IL1RAPL2: variants seen among roughly 807,000 people sequenced by gnomAD.
IL1RAPL2 encodes the protein X-linked interleukin-1 receptor accessory protein-like 2.
IL1RAPL2 carries 3 observed loss-of-function variants against 44.1 expected under a neutral mutation model. The ratio of observed to expected loss-of-function variants is 0.07; its 90% CI spans 0.03 to 0.18. IL1RAPL2 has a LOEUF of 0.18. IL1RAPL2 is among the 10% of genes least tolerant of loss of function. The pLI is 1.00. For missense variants in IL1RAPL2, 391 were observed against 496.4 expected (o/e 0.79, Z 2.02); for synonymous variants, 181 against 178.8 (o/e 1.01, Z -0.10).
intron 5 of IL1RAPL2, among the ~76,000 whole-genome samples, chrX:105,475,097 A>G (rs2036189217): frequency 8.9e-6 from 1 of 111,919 alleles, no homozygotes; most frequent in Admixed American, 9.5e-5. Flanking sequence ...TGAGGATTTA[A>G]TGAGAGAATA....
intron 6 of IL1RAPL2, among the ~76,000 whole-genome samples, chrX:105,649,134 CTA>C (rs775335796): frequency 4.5e-5 from 5 of 111,350 alleles, no homozygotes; most frequent in Non-Finnish European, 9.4e-5. Flanking sequence ...TGCATATTTT[CTA>C]TGTTTCTAGA....
At chrX:104,677,183 G>A (rs188766816) in intron 2 of IL1RAPL2, among the ~76,000 whole-genome samples, 20 of 111,836 alleles carry the variant, frequency 1.8e-4, no homozygotes, top group African/African-American at 6.5e-4. Context: ...CTGCTTTTTA[G>A]AGTTCCCAGT....
chrX:105,444,719 A>G (rs2035943520), intron 5 of IL1RAPL2, among the ~76,000 whole-genome samples: 1 of 111,238 alleles, frequency 9.0e-6, no homozygotes, highest in African/African-American at 3.3e-5. Flanking sequence ...TACCTGTGCC[A>G]TGGTGGTTTG....
chrX:104,567,315 G>T (rs1056702057), intron 1 of IL1RAPL2, among the ~76,000 whole-genome samples: 3 of 113,009 alleles, frequency 2.7e-5, no homozygotes, highest in African/African-American at 6.4e-5. Flanking sequence ...GAGCCCAAGC[G>T]TTGCGTTTCC....
intron 2 of IL1RAPL2, among the ~76,000 whole-genome samples, chrX:105,097,765 CCTT>C (rs1336781079): frequency 9.0e-6 from 1 of 111,447 alleles, no homozygotes; most frequent in Non-Finnish European, 1.9e-5. Flanking sequence ...TCCCCTCCCT[CCTT>C]CCTCTCCTCT....
At chrX:104,570,008 A>C (rs778889106) in intron 1 of IL1RAPL2, among the ~76,000 whole-genome samples, 7 of 112,445 alleles carry the variant, frequency 6.2e-5, no homozygotes, top group Non-Finnish European at 1.3e-4. Context: ...ACAAATGTAC[A>C]CACTGCCTTC....
At chrX:104,650,151 G>A (rs1930125316) in intron 1 of IL1RAPL2, among the ~76,000 whole-genome samples, 1 of 111,103 alleles carries the variant, frequency 9.0e-6, no homozygotes, top group African/African-American at 3.3e-5. Context: ...AATCTCTCAG[G>A]GGAATATGAA....
chrX:105,135,373 A>G (rs779942270), intron 2 of IL1RAPL2, among the ~76,000 whole-genome samples: 1 of 112,007 alleles, frequency 8.9e-6, no homozygotes, highest in South Asian at 3.7e-4. Flanking sequence ...CCAAACATCA[A>G]AATTAGTTGG....
At chrX:105,497,649 G>A (rs2036365325) in intron 6 of IL1RAPL2, among the ~76,000 whole-genome samples, 1 of 111,508 alleles carries the variant, frequency 9.0e-6, no homozygotes, top group African/African-American at 3.3e-5. Context: ...TAATAACTCT[G>A]ATCAATGTAA....
At chrX:105,105,782 A>C in intron 2 of IL1RAPL2, among the ~76,000 whole-genome samples, 1 of 112,053 alleles carries the variant, frequency 8.9e-6, no homozygotes. Context: ...ACTTTCAGAA[A>C]CTTGAACCTT....
intron 2 of IL1RAPL2, among the ~76,000 whole-genome samples, chrX:104,899,735 C>A (rs189424710): frequency 9.0e-6 from 1 of 111,661 alleles, no homozygotes; most frequent in Non-Finnish European, 1.9e-5. Context: ...CCTAGAATGC[C>A]CTCTCTCCTC....
chrX:104,766,082 A>G (rs1459632214), intron 2 of IL1RAPL2, among the ~76,000 whole-genome samples: 1 of 112,407 alleles, frequency 8.9e-6, no homozygotes, highest in Non-Finnish European at 1.9e-5. Context: ...TGGCACAGTC[A>G]GAGGGATCTT....
chrX:105,711,503 CTATTACAT>C (rs1321490092), intron 6 of IL1RAPL2, among the ~76,000 whole-genome samples: 1 of 111,683 alleles, frequency 9.0e-6, no homozygotes, highest in Non-Finnish European at 1.9e-5. Context: ...CCTCTCAACA[CTATTACAT>C]TGGCAACTGA....
intron 2 of IL1RAPL2, among the ~76,000 whole-genome samples, chrX:105,084,518 A>G (rs1213155824): frequency 6.2e-5 from 7 of 112,756 alleles, no homozygotes; most frequent in Admixed American, 2.8e-4. Context: ...TAGGGCCTGT[A>G]GCCCCTTTGT....
intron 5 of IL1RAPL2, among the ~76,000 whole-genome samples, chrX:105,359,929 T>C (rs762732364): frequency 9.0e-6 from 1 of 110,920 alleles, no homozygotes; most frequent in Non-Finnish European, 1.9e-5. Context: ...AACTGAAACT[T>C]AGAAATTGTC....
At chrX:105,680,191 G>GTGTT (rs1382667977) in intron 6 of IL1RAPL2, among the ~76,000 whole-genome samples, 1 of 111,496 alleles carries the variant, frequency 9.0e-6, no homozygotes, top group Admixed American at 9.5e-5. Context: ...AGTAGAGACG[G>GTGTT]TGTTTCACCA....
intron 2 of IL1RAPL2, among the ~76,000 whole-genome samples, chrX:104,788,155 AT>A (rs1477457217): frequency 8.9e-6 from 1 of 112,387 alleles, no homozygotes; most frequent in African/African-American, 3.2e-5. Context: ...CTATGTAGAA[AT>A]TTAGGCATCA....
At chrX:105,165,279 C>A (rs2033362787) in intron 2 of IL1RAPL2, among the ~76,000 whole-genome samples, 1 of 111,684 alleles carries the variant, frequency 9.0e-6, no homozygotes, top group Non-Finnish European at 1.9e-5. Context: ...ACCCACTGTT[C>A]CATAAAAATT....
intron 2 of IL1RAPL2, among the ~76,000 whole-genome samples, chrX:105,061,316 T>C (rs941148416): frequency 3.6e-5 from 4 of 111,933 alleles, no homozygotes; most frequent in African/African-American, 1.3e-4. Context: ...CTCAGGAGCA[T>C]ACTGTTTAAT....
Sources: allele counts gnomAD v4.1 joint callset (sites outside exome capture counted in the v4.1 genomes callset), GRCh38; gene constraint gnomAD v4.1.1; transcripts MANE v1.5; gene names NCBI Gene and HGNC (gene_info 2026-07-23, HGNC 2026-07-21).